Variants in SNX18 observed in about 807,000 individuals in gnomAD.
SNX18 encodes sorting nexin 18, also known as sorting nexin-18.
A neutral mutation model predicts 48.7 loss-of-function variants in SNX18; 35 were observed. The observed-to-expected ratio is 0.72, with a 90% CI of 0.55 to 0.95. SNX18 has a LOEUF of 0.95. Ranked by LOEUF, SNX18 falls within the 40% of genes least tolerant of loss-of-function variation. The pLI, the probability that SNX18 is intolerant of heterozygous loss-of-function variation, is 0.00. For synonymous variants in SNX18, 492 were observed against 384.7 expected (o/e 1.28, Z -3.26); for missense variants, 824 against 871.0 (o/e 0.95, Z 0.68).
chr5:54,591,016 TCTC>T, the SNX18 span, among the ~76,000 whole-genome samples: 38 of 151,890 alleles, frequency 2.5e-4, no homozygotes, highest in East Asian at 7.4e-3. Flanking sequence ...CCCCCTCACT[TCTC>T]CTTTTTTCTT....
chr5:54,587,263 A>AGG, the SNX18 span, among the ~76,000 whole-genome samples: 4 of 152,156 alleles, frequency 2.6e-5, no homozygotes, highest in Non-Finnish European at 5.9e-5. Context: ...TCCTTACGTA[A>AGG]AAGTTGGTAT....
chr5:54,520,075 C>CT (rs1761989012), intron 1 of SNX18: 2 of 436,606 alleles, frequency 4.6e-6, no homozygotes, highest in Non-Finnish European at 8.4e-6. Context: ...GATCAATTCT[C>CT]TGAGTTTAAG....
the SNX18 span, among the ~76,000 whole-genome samples, chr5:54,560,297 TA>T: frequency 3.9e-5 from 6 of 152,118 alleles, no homozygotes; most frequent in African/African-American, 1.4e-4. Flanking sequence ...TATGCAGCCA[TA>T]AAAAATGACA....
the SNX18 span, among the ~76,000 whole-genome samples, chr5:54,638,806 C>T: frequency 6.6e-6 from 1 of 152,078 alleles, no homozygotes; most frequent in South Asian, 2.1e-4. Flanking sequence ...TAAGGTCAGC[C>T]AGGAGAAATG....
the SNX18 span, among the ~76,000 whole-genome samples, chr5:54,632,724 C>G: frequency 1.3e-5 from 2 of 152,098 alleles, no homozygotes; most frequent in Admixed American, 6.5e-5. Context: ...TTATATTTAT[C>G]CAAGCCACAG....
the SNX18 span, among the ~76,000 whole-genome samples, chr5:54,587,011 G>A: frequency 6.7e-6 from 1 of 148,592 alleles, no homozygotes; most frequent in Non-Finnish European, 1.5e-5. Context: ...TTCCTGAGCA[G>A]CCCCTCTTTT....
At chr5:54,533,528 C>A (rs979363711) in intron 1 of SNX18, among the ~76,000 whole-genome samples, 3 of 152,176 alleles carry the variant, frequency 2.0e-5, no homozygotes, top group Admixed American at 6.6e-5. Flanking sequence ...GGTAGGGTAT[C>A]CCCCCTTGGG....
chr5:54,588,301 CTATTCTTTTTTTTTTTTTTT>C, the SNX18 span, among the ~76,000 whole-genome samples: 1 of 93,454 alleles, frequency 1.1e-5, no homozygotes, highest in Non-Finnish European at 2.3e-5. Flanking sequence ...ACTGTTATTT[CTATTCTTTTTTTTTTTTTTT>C]TTTTTTTTTT....
In SNX18 at chr5:54,518,793, G is replaced by A. The variant is rs548196245; in HGVS notation, c.841G>A (p.Asp281Asn). The A allele has an allele frequency of 6.2e-7, 1 of 1,604,632 alleles. No homozygotes were observed. The highest frequency in any genetic ancestry group is 8.5e-7 in the Non-Finnish European group (1 of 1,174,970). ...ENPYPFQCTI[D>N]DPTKQTKFKG... Reference sequence around the variant, plus strand: ...CCCCTACCCGTTCCAGTGCACCATCGACGACCCCACCAAGCAGACCAAGTT... The same window carrying A: ...CCCCTACCCGTTCCAGTGCACCATCAACGACCCCACCAAGCAGACCAAGTT... The change falls in exon 1 of 2, where the codon GAC (aspartate) becomes AAC (asparagine). Residue 281 changes from aspartate to asparagine, a missense_variant. Asp to Asn is a conservative substitution (Grantham distance 23). Transcript: ENST00000381410.
the SNX18 span, among the ~76,000 whole-genome samples, chr5:54,573,799 GA>G: frequency 1.3e-5 from 2 of 152,188 alleles, no homozygotes; most frequent in African/African-American, 4.8e-5. Context: ...AAGCAGGTAA[GA>G]GATATTGTAG....
the SNX18 span, among the ~76,000 whole-genome samples, chr5:54,563,167 A>T: frequency 6.6e-6 from 1 of 152,218 alleles, no homozygotes; most frequent in Non-Finnish European, 1.5e-5. Flanking sequence ...TTAGTTTATT[A>T]CTGAGGAAAG....
At chr5:54,607,346 G>A in the SNX18 span, among the ~76,000 whole-genome samples, 4 of 151,854 alleles carry the variant, frequency 2.6e-5, no homozygotes, top group South Asian at 2.1e-4. Flanking sequence ...GCTCTCTTAC[G>A]CTGTTTTTGG....
At chr5:54,642,846 T>C in the SNX18 span, among the ~76,000 whole-genome samples, 1 of 152,162 alleles carries the variant, frequency 6.6e-6, no homozygotes, top group Non-Finnish European at 1.5e-5. Context: ...ATATGATAGA[T>C]CAGCTCAACA....
At position 54,543,538 on chromosome 5, in the gene SNX18, G is replaced by T; in HGVS notation, c.*106G>T. On this transcript the variant is annotated 3_prime_UTR_variant, in exon 2 of 2. Transcript: ENST00000381410. ...TGCCAGCTATCAGTGGTGGTACAAG[G>T]ACGGTTTTGTGTTCATCTGAAACCC... 7.2e-7 allele frequency: 1 copy of T among 1,398,062 alleles called. No homozygotes were observed. Among genetic ancestry groups the T allele is most frequent in the Non-Finnish European group, 9.8e-7 (1 of 1,025,196 alleles). 86.6% of individuals were successfully genotyped at this position (1,398,062 alleles called of 1,614,324 possible).
At position 54,540,848 on chromosome 5, in the gene SNX18, A is replaced by G. The variant is rs138774574; in HGVS notation, c.1622-2331A>G. 2.6e-3 allele frequency among the ~76,000 whole-genome samples: 393 copies of G among 152,266 alleles called. 1 individual carries two copies. The highest frequency in any genetic ancestry group is 9.2e-3 in the African/African-American group (382 of 41,540). On this transcript the variant is annotated intron_variant, in intron 1 of 1. Transcript: ENST00000381410. ...TTTGAACATGGGACTGGCTTCCTCC[A>G]GTACCTTGGATTGAAATCAGATGAA...
At chr5:54,618,370 AG>A in the SNX18 span, among the ~76,000 whole-genome samples, 4 of 152,214 alleles carry the variant, frequency 2.6e-5, no homozygotes, top group African/African-American at 9.6e-5. Context: ...ATACAGAGTT[AG>A]TATTCCAGAG....
At chr5:54,626,716 C>T in the SNX18 span, among the ~76,000 whole-genome samples, 3 of 152,240 alleles carry the variant, frequency 2.0e-5, no homozygotes, top group African/African-American at 7.2e-5. Context: ...TCTACACATC[C>T]TAAAATGTGC....
chr5:54,529,826 T>C (rs999377832), intron 1 of SNX18, among the ~76,000 whole-genome samples: 4 of 152,240 alleles, frequency 2.6e-5, no homozygotes, highest in Non-Finnish European at 5.9e-5. Context: ...AACTATGTTA[T>C]TAATACAATA....
the SNX18 span, among the ~76,000 whole-genome samples, chr5:54,578,753 C>T: frequency 2.6e-5 from 4 of 152,096 alleles, no homozygotes; most frequent in African/African-American, 9.7e-5. Context: ...GCGAGATGAC[C>T]CCGGATCCTT....
Sources: allele counts gnomAD v4.1 joint callset (sites outside exome capture counted in the v4.1 genomes callset), GRCh38; gene constraint gnomAD v4.1.1; transcripts MANE v1.5; gene names NCBI Gene and HGNC (gene_info 2026-07-23, HGNC 2026-07-21).